TUSC3: variants seen among roughly 807,000 people sequenced by gnomAD.
The protein encoded by TUSC3 is tumor suppressor candidate 3.
Under a neutral mutation model 44.8 loss-of-function variants are expected in TUSC3, and 45 were observed. The ratio of observed to expected loss-of-function variants is 1.00; its 90% CI spans 0.79 to 1.29. The LOEUF is 1.29. Among genes scored for constraint, TUSC3 ranks in the 50% most tolerant of loss-of-function variants. TUSC3 has a pLI of 0.00. For synonymous variants in TUSC3, 212 were observed against 152.9 expected, an observed-to-expected ratio of 1.39 and a Z score of -2.85; for missense variants, 519 against 437.9, an observed-to-expected ratio of 1.19 and a Z score of -1.65.
chr8:15,543,047 T>A (rs181808566), intron 1 of TUSC3, among the ~76,000 whole-genome samples: 6 of 152,290 alleles, frequency 3.9e-5, no homozygotes, highest in African/African-American at 1.4e-4. Context: ...TCTTCCAATA[T>A]TGGAAGGGAA....
At chr8:15,519,492 C>G (rs546939779) in intron 2 of TUSC3, among the ~76,000 whole-genome samples, 1 of 152,134 alleles carries the variant, frequency 6.6e-6, no homozygotes, top group Admixed American at 6.6e-5. Flanking sequence ...AACCAGGCCA[C>G]ACAGCAGGAG....
At chr8:15,563,416 T>C (rs977188286) in intron 1 of TUSC3, among the ~76,000 whole-genome samples, 2 of 151,818 alleles carry the variant, frequency 1.3e-5, no homozygotes, top group Non-Finnish European at 2.9e-5. Flanking sequence ...GTAAGGAAGA[T>C]TCAAGAACAA....
At chr8:15,664,338 T>C (rs1249903759) in intron 5 of TUSC3, among the ~76,000 whole-genome samples, 2 of 151,578 alleles carry the variant, frequency 1.3e-5, no homozygotes, top group Admixed American at 6.6e-5. Flanking sequence ...TGAGCCCTTA[T>C]GACTACAAAT....
In TUSC3 at chr8:15,561,682, C is replaced by T. The variant is rs190810261; in HGVS notation, c.138+21114C>T. The T allele has an allele frequency of 1.3e-3, 197 of 151,196 alleles. 6 individuals are homozygous for T. The East Asian group carries it at 0.034, about 26-fold the overall frequency. 9.4% of individuals were successfully genotyped at this position (151,196 alleles called of 1,614,324 possible). ...CTCCGTGGGTGTAGGACCCTCCGAG[C>T]CAGGTGCGGGATATAATCTTGTGGT... On this transcript the variant is annotated intron_variant, in intron 1 of 10. Coordinates refer to ENST00000503731, the MANE Select transcript of TUSC3 (RefSeq NM_006765.4).
chr8:15,623,018 A>G, intron 1 of TUSC3, 62 bp from the exon 2 acceptor site: 1 of 1,529,132 alleles, frequency 6.5e-7, no homozygotes, highest in Non-Finnish European at 9.0e-7. Flanking sequence ...ATGCATTTAT[A>G]TGAAATTCAA....
At chr8:15,487,958 T>C (rs931907291) in intron 2 of TUSC3, among the ~76,000 whole-genome samples, 1 of 151,436 alleles carries the variant, frequency 6.6e-6, no homozygotes, top group Non-Finnish European at 1.5e-5. Flanking sequence ...GAAAACACTC[T>C]CGTCTGAAAT....
At chr8:15,630,728 C>A (rs930202323) in intron 2 of TUSC3, among the ~76,000 whole-genome samples, 2 of 152,142 alleles carry the variant, frequency 1.3e-5, no homozygotes, top group African/African-American at 2.4e-5. Context: ...GGGCAGTGAT[C>A]TCTCCGCCAG....
intron 2 of TUSC3, among the ~76,000 whole-genome samples, chr8:15,502,641 C>A (rs7001439): frequency 6.6e-6 from 1 of 152,170 alleles, no homozygotes; most frequent in Non-Finnish European, 1.5e-5. Context: ...CAGGAACCCA[C>A]CACCACACCT....
At chr8:15,438,130 C>T (rs921742940) in intron 1 of TUSC3, among the ~76,000 whole-genome samples, 1 of 152,074 alleles carries the variant, frequency 6.6e-6, no homozygotes, top group African/African-American at 2.4e-5. Flanking sequence ...GAGTTTCACT[C>T]GTTACCCAGG....
intron 1 of TUSC3, among the ~76,000 whole-genome samples, chr8:15,590,580 C>T (rs902670810): frequency 6.6e-6 from 1 of 151,964 alleles, no homozygotes; most frequent in African/African-American, 2.4e-5. Flanking sequence ...CCCTGAACAC[C>T]ACTCTGCCAT....
At chr8:15,654,649 T>C (rs1287538410) in intron 3 of TUSC3, among the ~76,000 whole-genome samples, 1 of 151,988 alleles carries the variant, frequency 6.6e-6, no homozygotes, top group Admixed American at 6.6e-5. Context: ...ATACAAAAAT[T>C]AGCCAGGTGT....
chr8:15,533,759 G>C (rs1173136024), intron 2 of TUSC3, among the ~76,000 whole-genome samples: 1 of 152,166 alleles, frequency 6.6e-6, no homozygotes, highest in African/African-American at 2.4e-5. Flanking sequence ...GCGAGAGAAG[G>C]CTCTGAATGT....
chr8:15,532,034 T>G (rs1278772219), intron 2 of TUSC3, among the ~76,000 whole-genome samples: 1 of 152,244 alleles, frequency 6.6e-6, no homozygotes, highest in Non-Finnish European at 1.5e-5. Flanking sequence ...TTATATGGCT[T>G]GATAAAATTG....
rs74970754 is a variant in TUSC3 at position 15,472,683 on chromosome 8, C to A, written n.92-10703C>A. Among the ~76,000 whole-genome samples the A allele has an allele frequency of 8.7e-4, 132 of 152,274 alleles. 1 individual carries two copies. In the East Asian group the frequency reaches 0.019, roughly 22 times the overall value. On this transcript the variant is annotated intron_variant and non_coding_transcript_variant, in intron 1 of 5. Coordinates refer to the TUSC3 transcript ENST00000503191. ...TTATAAGAACATAGTTTGCCCAAGA[C>A]TCCCCAGTCTTGCACTAGAAACCAG...
chr8:15,664,634 A>G (rs916419812), intron 5 of TUSC3, among the ~76,000 whole-genome samples: 2 of 149,676 alleles, frequency 1.3e-5, no homozygotes, highest in African/African-American at 4.9e-5. Flanking sequence ...TCAAACAGTG[A>G]GTTTGAAAAC....
At chr8:15,819,341 T>C in the TUSC3 span, among the ~76,000 whole-genome samples, 2 of 151,956 alleles carry the variant, frequency 1.3e-5, no homozygotes, top group Non-Finnish European at 2.9e-5. Context: ...ATGAAATATT[T>C]CACTCTTCCA....
chr8:15,838,031 G>C, the TUSC3 span, among the ~76,000 whole-genome samples: 2 of 151,790 alleles, frequency 1.3e-5, no homozygotes, highest in East Asian at 1.9e-4. Flanking sequence ...TTCTTTGCTA[G>C]TGGATGGAGA....
At position 15,433,556 on chromosome 8, in the gene TUSC3, G is replaced by C. The variant is rs1334992199; in HGVS notation, n.91+16251G>C. Among the ~76,000 whole-genome samples, 4 of 151,530 alleles carry C rather than the reference G, an allele frequency of 2.6e-5. No individual in the cohort carries two copies. In the Middle Eastern group the frequency reaches 0.01, roughly 389 times the overall value. Reference sequence around the variant, plus strand: ...TCCCCACTCCCCCACCCATATAACAGCCCCTTCACACGTATACACACACAT... The same window carrying C: ...TCCCCACTCCCCCACCCATATAACACCCCCTTCACACGTATACACACACAT... On this transcript the variant is annotated intron_variant and non_coding_transcript_variant, in intron 1 of 5. Coordinates refer to the TUSC3 transcript ENST00000503191.
the TUSC3 span, among the ~76,000 whole-genome samples, chr8:15,843,694 C>T: frequency 6.6e-6 from 1 of 150,844 alleles, no homozygotes; most frequent in Admixed American, 6.6e-5. Context: ...TGGTGTATAT[C>T]TATATCTAAA....
Sources: allele counts gnomAD v4.1 joint callset (sites outside exome capture counted in the v4.1 genomes callset), GRCh38; gene constraint gnomAD v4.1.1; transcripts MANE v1.5; gene names NCBI Gene and HGNC (gene_info 2026-07-23, HGNC 2026-07-21).